TBC1D9: variants seen among roughly 807,000 people sequenced by gnomAD.
TBC1D9 encodes TBC1 domain family member 9.
TBC1D9 carries 63 observed loss-of-function variants against 132.0 expected under a neutral mutation model. That is an observed-to-expected ratio of 0.48 (90% confidence interval 0.39 to 0.59). TBC1D9 has a LOEUF of 0.59. Ranked by LOEUF, TBC1D9 falls within the 20% of genes least tolerant of loss-of-function variation. The pLI is 0.00. For missense variants in TBC1D9, 1,261 were observed against 1,592.7 expected, an observed-to-expected ratio of 0.79 and a Z score of 3.54; for synonymous variants, 610 against 609.9, an observed-to-expected ratio of 1.00 and a Z score of 0.00.
intron 2 of TBC1D9, among the ~76,000 whole-genome samples, chr4:140,688,409 T>C (rs1737821960): frequency 6.6e-6 from 1 of 152,148 alleles, no homozygotes; most frequent in Non-Finnish European, 1.5e-5. Context: ...CACACTCCTC[T>C]AATCCCAGTG....
chr4:140,741,278 C>A (rs1738753699), intron 1 of TBC1D9, among the ~76,000 whole-genome samples: 1 of 152,202 alleles, frequency 6.6e-6, no homozygotes, highest in Non-Finnish European at 1.5e-5. Context: ...CAAAATATTT[C>A]TTTGACATAT....
At chr4:140,699,327 G>A (rs1036528148) in intron 2 of TBC1D9, among the ~76,000 whole-genome samples, 12 of 152,296 alleles carry the variant, frequency 7.9e-5, no homozygotes, top group African/African-American at 2.9e-4. Context: ...AGTATGGACT[G>A]CACATAGTGA....
At chr4:140,716,784 G>GT (rs887027496) in intron 1 of TBC1D9, among the ~76,000 whole-genome samples, 3 of 151,720 alleles carry the variant, frequency 2.0e-5, no homozygotes, top group African/African-American at 7.3e-5. Context: ...AAGAACTTAC[G>GT]TTTTTTTCAC....
rs202122051 is a variant in TBC1D9, at chr4:140,622,588, C to T, written c.3408G>A (p.Glu1136=). The change falls in exon 21 of 21, where the codon GAG becomes GAA. Residue 1136 remains glutamate (E), a synonymous_variant. Coordinates refer to ENST00000442267, the MANE Select transcript of TBC1D9 (RefSeq NM_015130.3). ...CCCCGTTGTCCCGGGGCGAGGAGTC[C>T]TCCAGCTTGATGTCCTCCATTTGTC... The part of the protein sequence containing the change: ...LGGQMEDIKL[E]DSSPRDNGAC... 16 of 1,613,986 alleles carry T rather than the reference C, an allele frequency of 9.9e-6. No individual in the cohort carries two copies. The African/African-American group carries it at 2.0e-4, about 20-fold the overall frequency.
chr4:140,633,979 CAA>C lies in TBC1D9; in HGVS notation c.2713_2714del (p.Leu905AspfsTer2), dbSNP rs933425341. 1 of 1,613,966 alleles carries C rather than the reference CAA, an allele frequency of 6.2e-7. No individual in the cohort carries two copies. Among genetic ancestry groups the C allele is most frequent in the Non-Finnish European group, 8.5e-7 (1 of 1,179,900 alleles). ...CAGAGACAAACTCCCGGAAGTTAAT[CAA>C]AGAGTCTCCATTTTCATCTAATAAC... Reference protein sequence around the residue: ...FQLLDENGDSLINFREFVSGL... With the variant: ...FQLLDENGDSXINFREFVSGL... On this transcript the variant is annotated frameshift_variant, in exon 16 of 21. Transcript: ENST00000442267. LOFTEE classifies it high-confidence loss of function.
intron 1 of TBC1D9, among the ~76,000 whole-genome samples, chr4:140,737,916 A>G (rs962247818): frequency 5.9e-5 from 9 of 152,180 alleles, no homozygotes; most frequent in Non-Finnish European, 1.3e-4. Flanking sequence ...AATTCCACCA[A>G]TCTTGTATAT....
chr4:140,754,071 T>C (rs951082418), intron 1 of TBC1D9, among the ~76,000 whole-genome samples: 4 of 152,202 alleles, frequency 2.6e-5, no homozygotes, highest in Non-Finnish European at 4.4e-5. Context: ...GTGAAAGAAG[T>C]CATTGATGAC....
chr4:140,634,172 CT>C lies in TBC1D9; in HGVS notation c.2521del (p.Ser841AlafsTer58). The C allele has an allele frequency of 6.2e-7, 1 of 1,613,306 alleles. No individual in the cohort carries two copies. Among genetic ancestry groups the C allele is most frequent in the Non-Finnish European group, 8.5e-7 (1 of 1,179,878 alleles). ...GTTGCTGCTCCCGCCCCAGTAGCAGCTGGTGAGATGTTCTGCCTGAAAAAGA... is the reference window on the plus strand; with the variant it reads ...GTTGCTGCTCCCGCCCCAGTAGCAGCGGTGAGATGTTCTGCCTGAAAAAGA... Reference protein sequence around the residue: ...YALFKAEHLTSCYWGGSSNAL... With the variant: ...YALFKAEHLTXCYWGGSSNAL... On this transcript the variant is annotated frameshift_variant, in exon 16 of 21. Coordinates refer to ENST00000442267, the MANE Select transcript of TBC1D9 (RefSeq NM_015130.3). LOFTEE classifies it high-confidence loss of function.
intron 13 of TBC1D9, among the ~76,000 whole-genome samples, chr4:140,653,391 A>G (rs535948936): frequency 6.6e-6 from 1 of 152,286 alleles, no homozygotes; most frequent in South Asian, 2.1e-4. Context: ...ATTCTTACCC[A>G]CATCAGTGAT....
At chr4:140,671,076 T>C in intron 6 of TBC1D9, 150 bp from the exon 7 acceptor site, 1 of 635,052 alleles carries the variant, frequency 1.6e-6, no homozygotes, top group South Asian at 2.0e-5. Flanking sequence ...TCTTTGACTC[T>C]GTTCCAGTAA....
intron 2 of TBC1D9, among the ~76,000 whole-genome samples, chr4:140,690,457 C>T (rs1168347311): frequency 6.6e-6 from 1 of 152,112 alleles, no homozygotes; most frequent in Non-Finnish European, 1.5e-5. Flanking sequence ...CCAGCACTAG[C>T]CCCAAACCTA....
intron 2 of TBC1D9, among the ~76,000 whole-genome samples, chr4:140,693,329 T>C (rs528001659): frequency 6.6e-6 from 1 of 152,268 alleles, no homozygotes; most frequent in African/African-American, 2.4e-5. Flanking sequence ...GCAGTGAGTA[T>C]GAATAAAGGT....
chr4:140,640,274 G>A (rs1736962672), intron 13 of TBC1D9, among the ~76,000 whole-genome samples: 1 of 152,060 alleles, frequency 6.6e-6, no homozygotes, highest in South Asian at 2.1e-4. Flanking sequence ...GGGGCAACAG[G>A]GGGAAGAAAG....
At chr4:140,664,191 TTTTA>T (rs1737409361) in intron 9 of TBC1D9, among the ~76,000 whole-genome samples, 1 of 152,106 alleles carries the variant, frequency 6.6e-6, no homozygotes, top group Non-Finnish European at 1.5e-5. Flanking sequence ...TATATATACT[TTTTA>T]TTTGTCAATT....
intron 3 of TBC1D9, among the ~76,000 whole-genome samples, chr4:140,684,165 G>C (rs966196071): frequency 6.6e-6 from 1 of 151,912 alleles, no homozygotes; most frequent in Non-Finnish European, 1.5e-5. Flanking sequence ...ACTTTGGGAA[G>C]CTGAGGTGGG....
At chr4:140,709,763 C>T (rs544802609) in intron 1 of TBC1D9, among the ~76,000 whole-genome samples, 2 of 152,116 alleles carry the variant, frequency 1.3e-5, no homozygotes, top group Non-Finnish European at 2.9e-5. Flanking sequence ...TGAAACTGTT[C>T]CACCTCAGAT....
chr4:140,728,330 G>C (rs540802337), intron 1 of TBC1D9, among the ~76,000 whole-genome samples: 118 of 151,686 alleles, frequency 7.8e-4, no homozygotes, highest in African/African-American at 2.8e-3. Flanking sequence ...CAATGAAAGG[G>C]GAAAATAAAC....
chr4:140,639,486 G>A, intron 13 of TBC1D9, 58 bp from the exon 14 acceptor site: 1 of 1,235,190 alleles, frequency 8.1e-7, no homozygotes, highest in Non-Finnish European at 1.2e-6. Flanking sequence ...ACAATGTCCT[G>A]TCTGCAGAAT....
intron 1 of TBC1D9, among the ~76,000 whole-genome samples, chr4:140,738,955 G>A (rs1738717690): frequency 6.6e-6 from 1 of 152,144 alleles, no homozygotes; most frequent in Non-Finnish European, 1.5e-5. Context: ...GAAGGGAGAA[G>A]GTACAGCCTC....
Sources: allele counts gnomAD v4.1 joint callset (sites outside exome capture counted in the v4.1 genomes callset), GRCh38; gene constraint gnomAD v4.1.1; transcripts MANE v1.5; gene names NCBI Gene and HGNC (gene_info 2026-07-23, HGNC 2026-07-21).